The following CHST8 variants were observed in gnomAD, a reference collection of about 807,000 sequenced individuals.
The protein encoded by CHST8 is GALNAC-4-ST1.
A neutral mutation model predicts 15.0 loss-of-function variants in CHST8; 10 were observed. The observed-to-expected ratio is 0.67, with a 90% CI of 0.41 to 1.13. The LOEUF is 1.13. CHST8 is among the 50% of genes most tolerant of loss of function. The pLI, the probability that CHST8 is intolerant of heterozygous loss-of-function variation, is 0.00. For synonymous variants in CHST8, 259 were observed against 256.6 expected, an observed-to-expected ratio of 1.01 and a Z score of -0.09; for missense variants, 634 against 608.2, an observed-to-expected ratio of 1.04 and a Z score of -0.45.
intron 3 of CHST8, among the ~76,000 whole-genome samples, chr19:33,751,299 A>G (rs80225728): frequency 0.077 from 11,795 of 152,226 alleles, 535 homozygotes; most frequent in Admixed American, 0.1. Context: ...CCCGCTGTTC[A>G]ATAACTGATG....
At chr19:33,771,565 C>T in intron 4 of CHST8, 115 bp downstream of exon 4, 1 of 1,028,074 alleles carries the variant, frequency 9.7e-7, no homozygotes. Context: ...AAAAATGTGT[C>T]CAGCCTTTCC....
chr19:33,643,694 CG>C (rs1972313628), intron 1 of CHST8, among the ~76,000 whole-genome samples: 1 of 152,156 alleles, frequency 6.6e-6, no homozygotes. Flanking sequence ...CCAGCACCCA[CG>C]ATTTTAATTA....
intron 2 of CHST8, among the ~76,000 whole-genome samples, chr19:33,683,612 G>T (rs765262074): frequency 6.6e-6 from 1 of 152,138 alleles, no homozygotes; most frequent in South Asian, 2.1e-4. Context: ...TAAAATTCCA[G>T]GTTCATGGAG....
At chr19:33,701,663 A>G (rs1973338703) in intron 3 of CHST8, among the ~76,000 whole-genome samples, 1 of 143,718 alleles carries the variant, frequency 7.0e-6, no homozygotes, top group African/African-American at 2.7e-5. Flanking sequence ...AAAACCGCAG[A>G]GCTCCAACGC....
In CHST8 at chr19:33,679,883, A is replaced by G. The variant is rs370818114; in HGVS notation, c.-86-9293A>G. Among the ~76,000 whole-genome samples the G allele has an allele frequency of 4.6e-5, 7 of 152,316 alleles. No homozygotes were observed. In the South Asian group the frequency reaches 8.3e-4, roughly 18 times the overall value. On this transcript the variant is annotated intron_variant, in intron 2 of 4. Transcript: ENST00000650847. ...CAGCCAGCCTCTAGTCCTCAACTCC[A>G]CGAGGGGCTGCCTCATCTGAGATCA...
intron 2 of CHST8, among the ~76,000 whole-genome samples, chr19:33,677,752 C>T (rs185574292): frequency 3.9e-5 from 6 of 152,346 alleles, no homozygotes; most frequent in Non-Finnish European, 7.3e-5. Context: ...CTCCCACAGT[C>T]CCCTCTGTCA....
chr19:33,763,641 T>C (rs112789438), intron 3 of CHST8, among the ~76,000 whole-genome samples: 36 of 152,352 alleles, frequency 2.4e-4, no homozygotes, highest in African/African-American at 7.9e-4. Flanking sequence ...CAGATGAGAA[T>C]TGAAGCCCTT....
intron 3 of CHST8, among the ~76,000 whole-genome samples, chr19:33,751,522 A>G (rs973202481): frequency 6.6e-6 from 1 of 152,200 alleles, no homozygotes; most frequent in African/African-American, 2.4e-5. Flanking sequence ...GGGCAGCCCA[A>G]GGCCAAGACC....
chr19:33,738,085 G>C (rs1336829383), intron 3 of CHST8, among the ~76,000 whole-genome samples: 1 of 152,138 alleles, frequency 6.6e-6, no homozygotes, highest in East Asian at 1.9e-4. Flanking sequence ...GATATGACAT[G>C]CTGCTAGAAC....
chr19:33,756,352 G>T (rs1351466545), intron 3 of CHST8, among the ~76,000 whole-genome samples: 19 of 152,186 alleles, frequency 1.2e-4, no homozygotes, highest in Non-Finnish European at 2.8e-4. Flanking sequence ...GTGTGTCTGG[G>T]CTGCCTCCCA....
intron 3 of CHST8, among the ~76,000 whole-genome samples, chr19:33,694,093 C>CATTCATATATAT (rs1555716398): frequency 3.2e-5 from 1 of 31,380 alleles, no homozygotes; most frequent in Non-Finnish European, 5.7e-5. Flanking sequence ...GTAGTTTATT[C>CATTCATATATAT]ATATATATAT....
At chr19:33,627,098 T>TGGGGG (rs71181368) in intron 1 of CHST8, among the ~76,000 whole-genome samples, 2 of 68,718 alleles carry the variant, frequency 2.9e-5, no homozygotes, top group Non-Finnish European at 6.1e-5. Flanking sequence ...CCTCTTTTTT[T>TGGGGG]GGGGGGGGGG....
At chr19:33,770,396 C>T (rs540752204) in intron 3 of CHST8, among the ~76,000 whole-genome samples, 187 of 152,250 alleles carry the variant, frequency 1.2e-3, no homozygotes, top group African/African-American at 4.3e-3. Flanking sequence ...AGCCTCAGGA[C>T]GAAAATGTCC....
chr19:33,724,210 G>A (rs999438010), intron 3 of CHST8, among the ~76,000 whole-genome samples: 6 of 152,216 alleles, frequency 3.9e-5, no homozygotes, highest in Non-Finnish European at 5.9e-5. Flanking sequence ...AGGCTCCACC[G>A]GTTACCCCAC....
intron 3 of CHST8, among the ~76,000 whole-genome samples, chr19:33,712,087 G>C (rs891979212): frequency 5.9e-5 from 9 of 152,154 alleles, no homozygotes; most frequent in African/African-American, 1.9e-4. Flanking sequence ...AACAAACAAA[G>C]AAACAAAAAC....
Position 33,751,566 on chromosome 19 carries a change from A to C in CHST8, c.131-19847A>C, listed in dbSNP as rs139927830. 6.3e-3 allele frequency among the ~76,000 whole-genome samples: 965 copies of C among 152,254 alleles called. 12 individuals are homozygous for C. The highest frequency in any genetic ancestry group is 0.022 in the African/African-American group (923 of 41,564). On this transcript the variant is annotated intron_variant, in intron 3 of 4. Transcript: ENST00000650847. ...TTTTCTGATGGTGGACACTGGCTTA[A>C]TGATAGTGAGACGTTCTGTGAACCC...
chr19:33,650,770 T>C (rs1972437653), intron 1 of CHST8, among the ~76,000 whole-genome samples: 1 of 151,872 alleles, frequency 6.6e-6, no homozygotes, highest in South Asian at 2.1e-4. Flanking sequence ...TTCAGTAGTG[T>C]GATTTTGGCT....
At chr19:33,682,325 C>T (rs1336934477) in intron 2 of CHST8, among the ~76,000 whole-genome samples, 2 of 151,566 alleles carry the variant, frequency 1.3e-5, no homozygotes, top group Non-Finnish European at 2.9e-5. Context: ...CAGGCATGCA[C>T]TACCACATGC....
At chr19:33,662,321 G>T (rs1316153188) in intron 1 of CHST8, among the ~76,000 whole-genome samples, 1 of 152,136 alleles carries the variant, frequency 6.6e-6, no homozygotes, top group African/African-American at 2.4e-5. Context: ...CAAACGATCT[G>T]CCAGTCTCAG....
Sources: allele counts gnomAD v4.1 joint callset (sites outside exome capture counted in the v4.1 genomes callset), GRCh38; gene constraint gnomAD v4.1.1; transcripts MANE v1.5; gene names NCBI Gene and HGNC (gene_info 2026-07-23, HGNC 2026-07-21).